CLSTN2: variants seen among roughly 807,000 people sequenced by gnomAD.
The protein encoded by CLSTN2 is calsyntenin 2, also known as calsyntenin-2.
A neutral mutation model predicts 101.2 loss-of-function variants in CLSTN2; 48 were observed. The ratio of observed to expected loss-of-function variants is 0.47; its 90% CI spans 0.38 to 0.60. The LOEUF (loss-of-function observed/expected upper bound fraction) is 0.60. CLSTN2 is among the 20% of genes least tolerant of loss of function. The pLI is 0.00. For missense variants in CLSTN2, 1,160 were observed against 1,238.2 expected (o/e 0.94, Z 0.95); for synonymous variants, 481 against 463.6 (o/e 1.04, Z -0.48).
chr3:139,969,593 C>A (rs1277494918), intron 1 of CLSTN2, among the ~76,000 whole-genome samples: 1 of 152,248 alleles, frequency 6.6e-6, no homozygotes, highest in African/African-American at 2.4e-5. Context: ...GTCTTTCTAG[C>A]CCTGCCTCCA....
rs975254304 is a variant in CLSTN2, at chr3:140,403,708, C to T, written c.312C>T (p.Gly104=). ...TGCTCAACAAGACATCAGGAGAGGG[C>T]CGGCTCCGTGCCAAGAGCCCCATTG... is the stretch of plus-strand genomic sequence containing the variant. ...AVVLNKTSGE[G]RLRAKSPIDC... Residue 104 remains glycine (G), a synonymous_variant, in exon 3 of 17, where the codon GGC becomes GGT. Transcript: ENST00000458420. The T allele has an allele frequency of 1.2e-6, 2 of 1,613,986 alleles. No individual in the cohort carries two copies. The highest frequency in any genetic ancestry group is 2.7e-5 in the African/African-American group (2 of 74,924).
intron 2 of CLSTN2, among the ~76,000 whole-genome samples, chr3:140,236,694 G>C (rs902340032): frequency 6.6e-6 from 1 of 151,756 alleles, no homozygotes; most frequent in Admixed American, 6.6e-5. Flanking sequence ...ACTTTGTATA[G>C]TTTCTATTGC....
chr3:140,122,153 A>G (rs1202141798), intron 1 of CLSTN2, among the ~76,000 whole-genome samples: 2 of 152,192 alleles, frequency 1.3e-5, no homozygotes, highest in Non-Finnish European at 2.9e-5. Context: ...CTGCCCTTAG[A>G]AAACACTTAG....
chr3:140,107,994 T>C (rs955647820), intron 1 of CLSTN2, among the ~76,000 whole-genome samples: 3 of 152,208 alleles, frequency 2.0e-5, no homozygotes, highest in African/African-American at 7.2e-5. Context: ...TCCATTGTTC[T>C]CGTGCCATTG....
At chr3:140,125,255 T>A (rs1352835376) in intron 1 of CLSTN2, among the ~76,000 whole-genome samples, 2 of 151,972 alleles carry the variant, frequency 1.3e-5, no homozygotes, top group African/African-American at 4.8e-5. Flanking sequence ...AGTGAAGCTG[T>A]AGGGTGGGGA....
chr3:140,294,808 G>T (rs977197457), intron 2 of CLSTN2, among the ~76,000 whole-genome samples: 16 of 152,168 alleles, frequency 1.1e-4, no homozygotes, highest in Non-Finnish European at 1.9e-4. Flanking sequence ...GAAGTCCAAG[G>T]TCAGAGTGCC....
chr3:140,118,977 AAAAT>A (rs1364163415), intron 1 of CLSTN2, among the ~76,000 whole-genome samples: 4 of 152,182 alleles, frequency 2.6e-5, no homozygotes, highest in African/African-American at 9.7e-5. Flanking sequence ...AAATAATAAT[AAAAT>A]AAACCCAACA....
chr3:140,271,501 C>T (rs947342895), intron 2 of CLSTN2, among the ~76,000 whole-genome samples: 2 of 152,166 alleles, frequency 1.3e-5, no homozygotes, highest in Non-Finnish European at 2.9e-5. Flanking sequence ...AAGGTGCCAG[C>T]GTTTCAGTGT....
At chr3:139,938,191 C>A (rs759042151) in intron 1 of CLSTN2, among the ~76,000 whole-genome samples, 132 of 147,974 alleles carry the variant, frequency 8.9e-4, no homozygotes, top group Non-Finnish European at 1.4e-3. Flanking sequence ...GAACAAAAAA[C>A]CAGATACTTC....
At chr3:140,238,384 T>C (rs1367115481) in intron 2 of CLSTN2, among the ~76,000 whole-genome samples, 2 of 146,092 alleles carry the variant, frequency 1.4e-5, no homozygotes, top group Non-Finnish European at 3.0e-5. Flanking sequence ...TAAAGTTCTC[T>C]ATTTTCTATT....
chr3:140,337,296 C>G (rs2107933515), intron 2 of CLSTN2, among the ~76,000 whole-genome samples: 1 of 152,298 alleles, frequency 6.6e-6, no homozygotes, highest in East Asian at 1.9e-4. Context: ...GAGGGCTGTG[C>G]AAAAGGATCT....
At chr3:140,269,375 A>G (rs2086721585) in intron 2 of CLSTN2, among the ~76,000 whole-genome samples, 1 of 152,210 alleles carries the variant, frequency 6.6e-6, no homozygotes, top group African/African-American at 2.4e-5. Context: ...AACCCAGCTT[A>G]ATGTTTCATT....
chr3:140,139,674 A>G (rs1047342683), intron 1 of CLSTN2, among the ~76,000 whole-genome samples: 1 of 152,228 alleles, frequency 6.6e-6, no homozygotes, highest in Non-Finnish European at 1.5e-5. Context: ...GCGGCAGCCC[A>G]TATTTAATTC....
chr3:140,051,656 C>T (rs1411579241), intron 1 of CLSTN2, among the ~76,000 whole-genome samples: 1 of 152,166 alleles, frequency 6.6e-6, no homozygotes, highest in Non-Finnish European at 1.5e-5. Context: ...TGGTTCTCAA[C>T]CGGGCTACAT....
At chr3:139,990,650 G>A (rs995484618) in intron 1 of CLSTN2, among the ~76,000 whole-genome samples, 3 of 152,230 alleles carry the variant, frequency 2.0e-5, no homozygotes, top group African/African-American at 7.2e-5. Context: ...GGAGGTCCAA[G>A]GTAGAGACCC....
rs370634400 is a variant in CLSTN2 at position 139,998,095 on chromosome 3, T to G, written c.109+62612T>G. Among the ~76,000 whole-genome samples the G allele has an allele frequency of 1.8e-4, 28 of 152,246 alleles. No individual in the cohort carries two copies. The East Asian group carries it at 5.0e-3, about 27-fold the overall frequency. ...TTTTCTTTTCTACTTGCAAGTGGGT[T>G]GTGAGAATTAAGAGAAAGTCATGTT... On this transcript the variant is annotated intron_variant, in intron 1 of 16. Transcript: ENST00000458420.
chr3:140,353,140 T>A (rs937601950), intron 2 of CLSTN2, among the ~76,000 whole-genome samples: 4 of 151,868 alleles, frequency 2.6e-5, no homozygotes, highest in Non-Finnish European at 5.9e-5. Flanking sequence ...AATACTATGC[T>A]ATTTTTATCA....
chr3:140,267,605 CAG>C (rs1196285136), intron 2 of CLSTN2, among the ~76,000 whole-genome samples: 2 of 152,196 alleles, frequency 1.3e-5, no homozygotes, highest in Non-Finnish European at 2.9e-5. Context: ...GTTATATTCT[CAG>C]AGACCGGGCT....
chr3:140,504,234 T>C (rs1163992199), intron 8 of CLSTN2, among the ~76,000 whole-genome samples: 1 of 152,206 alleles, frequency 6.6e-6, no homozygotes, highest in East Asian at 1.9e-4. Flanking sequence ...ATGAGGTTTA[T>C]GGACCTTTTC....
Sources: allele counts gnomAD v4.1 joint callset (sites outside exome capture counted in the v4.1 genomes callset), GRCh38; gene constraint gnomAD v4.1.1; transcripts MANE v1.5; gene names NCBI Gene and HGNC (gene_info 2026-07-23, HGNC 2026-07-21).